Variants in ZNF730 observed in about 807,000 individuals in gnomAD.
ZNF730 encodes the protein zinc finger protein 730, also known as putative zinc finger protein 730.
Under a neutral mutation model 12.6 loss-of-function variants are expected in ZNF730, and 12 were observed. That is an observed-to-expected ratio of 0.95 (90% confidence interval 0.61 to 1.54). The LOEUF is 1.54. Ranked by LOEUF, ZNF730 falls within the 40% of genes most tolerant of loss-of-function variation. The probability of loss-of-function intolerance (pLI) is 0.00; values close to 1 mark genes in which losing one functional copy is unlikely to be tolerated. For synonymous variants in ZNF730, 194 were observed against 195.8 expected, an observed-to-expected ratio of 0.99 and a Z score of 0.08; for missense variants, 643 against 583.5, an observed-to-expected ratio of 1.10 and a Z score of -1.05.
chr19:23,139,901 C>T (rs1439358255), intron 3 of ZNF730, among the ~76,000 whole-genome samples: 4 of 151,974 alleles, frequency 2.6e-5, no homozygotes, highest in Admixed American at 6.6e-5. Flanking sequence ...TATTGTTTTG[C>T]AGTTCCATAT....
Position 23,096,216 on chromosome 19 carries a change from C to G in ZNF730, c.-94+20829C>G, listed in dbSNP as rs563346499. On this transcript the variant is annotated intron_variant, in intron 1 of 2. Transcript: ENST00000593635. ...CTCAAGGTACCGTGACATTGCTGGGCCCAGCATCTAGGTGATGTAACTCTA... is the reference window on the plus strand; with the variant it reads ...CTCAAGGTACCGTGACATTGCTGGGGCCAGCATCTAGGTGATGTAACTCTA... 2.0e-5 allele frequency among the ~76,000 whole-genome samples: 3 copies of G among 152,198 alleles called. No homozygotes were observed. In the East Asian group the frequency reaches 5.8e-4, roughly 29 times the overall value.
At chr19:23,100,899 C>T (rs1160920200) in intron 1 of ZNF730, among the ~76,000 whole-genome samples, 3 of 151,998 alleles carry the variant, frequency 2.0e-5, no homozygotes, top group Non-Finnish European at 4.4e-5. Flanking sequence ...CGTGATCTGC[C>T]CACCTCAGCC....
In ZNF730 at chr19:23,108,745, T is replaced by G. The variant is rs376501865; in HGVS notation, c.-93-25335T>G. Among the ~76,000 whole-genome samples, 413 of 152,170 alleles carry G rather than the reference T, an allele frequency of 2.7e-3. 2 individuals carry two copies. The highest frequency in any genetic ancestry group is 9.4e-3 in the African/African-American group (392 of 41,488). ...TTTAGCTTACAAATTGTCTTTTTTT[T>G]TTGTTTGTTTGTTTTTGTTTTTGAG... On this transcript the variant is annotated intron_variant, in intron 1 of 2. Transcript: ENST00000593635.
intron 2 of ZNF730, 82 bp downstream of exon 2, chr19:23,134,288 C>G (rs947756981): frequency 2.6e-5 from 32 of 1,252,816 alleles, no homozygotes; most frequent in Non-Finnish European, 3.1e-5. Flanking sequence ...CTTTCAGATC[C>G]CGGGTTTTTT....
intron 1 of ZNF730, 53 bp downstream of exon 1, chr19:23,117,229 G>T (rs1970541064): frequency 3.1e-6 from 5 of 1,613,020 alleles, no homozygotes; most frequent in Non-Finnish European, 4.2e-6. Context: ...GGTTGGAACC[G>T]GTGGGAAGCG....
intron 1 of ZNF730, among the ~76,000 whole-genome samples, chr19:23,103,196 T>C (rs1330158359): frequency 6.6e-6 from 1 of 152,208 alleles, no homozygotes; most frequent in African/African-American, 2.4e-5. Flanking sequence ...TTTTTCTATC[T>C]GAACCTGAGA....
intron 1 of ZNF730, among the ~76,000 whole-genome samples, chr19:23,098,732 C>T (rs1379066725): frequency 6.6e-6 from 1 of 152,070 alleles, no homozygotes; most frequent in Non-Finnish European, 1.5e-5. Context: ...TGATCAGTGC[C>T]GTCAGGGAAA....
chr19:23,129,284 C>T (rs888215011), intron 1 of ZNF730, among the ~76,000 whole-genome samples: 1 of 152,186 alleles, frequency 6.6e-6, no homozygotes, highest in African/African-American at 2.4e-5. Context: ...CCACTGACAG[C>T]TTGCACCATG....
intron 1 of ZNF730, among the ~76,000 whole-genome samples, chr19:23,079,799 A>C (rs1164128637): frequency 6.6e-6 from 1 of 152,030 alleles, no homozygotes; most frequent in African/African-American, 2.4e-5. Flanking sequence ...GAAGAACCCC[A>C]TTTTACTTTC....
At chr19:23,083,807 T>C (rs1017480405) in intron 1 of ZNF730, among the ~76,000 whole-genome samples, 13 of 152,184 alleles carry the variant, frequency 8.5e-5, no homozygotes, top group Non-Finnish European at 1.9e-4. Context: ...TAAAATAATT[T>C]TGAATATTAA....
intron 1 of ZNF730, among the ~76,000 whole-genome samples, chr19:23,109,690 G>A (rs1047658221): frequency 1.3e-5 from 2 of 152,136 alleles, no homozygotes; most frequent in African/African-American, 2.4e-5. Context: ...TGGGATTACA[G>A]GTGTGAGCCA....
chr19:23,102,552 G>A (rs920931725), intron 1 of ZNF730, among the ~76,000 whole-genome samples: 1 of 151,416 alleles, frequency 6.6e-6, no homozygotes, highest in African/African-American at 2.4e-5. Context: ...CTGGAGTGCA[G>A]TGGTGTGATC....
intron 1 of ZNF730, 127 bp downstream of exon 1, chr19:23,117,303 A>G: frequency 2.6e-6 from 4 of 1,558,982 alleles, no homozygotes; most frequent in Non-Finnish European, 3.5e-6. Context: ...GTTCTTGCCC[A>G]GCTCGGCCTC....
chr19:23,130,551 T>A (rs1970733251), intron 1 of ZNF730, among the ~76,000 whole-genome samples: 1 of 152,242 alleles, frequency 6.6e-6, no homozygotes, highest in African/African-American at 2.4e-5. Flanking sequence ...TTGTGACTTT[T>A]GGTGTTTTCA....
intron 1 of ZNF730, among the ~76,000 whole-genome samples, chr19:23,133,369 T>G (rs893695041): frequency 6.6e-6 from 1 of 152,222 alleles, no homozygotes; most frequent in African/African-American, 2.4e-5. Flanking sequence ...TTGAGACAGT[T>G]TCACTCTTAT....
At chr19:23,120,558 C>CT (rs1225225059) in intron 1 of ZNF730, among the ~76,000 whole-genome samples, 1 of 151,100 alleles carries the variant, frequency 6.6e-6, no homozygotes, top group Non-Finnish European at 1.5e-5. Context: ...TTTGGTTCTT[C>CT]TTTTTTCACT....
At chr19:23,085,854 T>C (rs1970054684) in intron 1 of ZNF730, among the ~76,000 whole-genome samples, 1 of 114,352 alleles carries the variant, frequency 8.7e-6, no homozygotes, top group Non-Finnish European at 1.8e-5. Flanking sequence ...TTTTTTTTTT[T>C]TTTTTTTTTG....
chr19:23,083,595 G>GTTT (rs541018274), intron 1 of ZNF730, among the ~76,000 whole-genome samples: 4 of 139,628 alleles, frequency 2.9e-5, no homozygotes, highest in Non-Finnish European at 4.7e-5. Context: ...ATTAGTGCTT[G>GTTT]TTTTTTTTTT....
chr19:23,146,117 A>G lies in ZNF730; in HGVS notation c.1073A>G (p.His358Arg), dbSNP rs1431894909. Reference sequence around the variant, plus strand: ...AACCGATCCTCAACCCTTAATAGACATAAGATAACTCATACTGGAGGGAAA... The same window carrying G: ...AACCGATCCTCAACCCTTAATAGACGTAAGATAACTCATACTGGAGGGAAA... ...AFNRSSTLNR[H>R]KITHTGGKPY... Residue 358 changes from histidine (H) to arginine (R), a missense_variant, in exon 4 of 4, where the codon CAT (histidine) becomes CGT (arginine). His to Arg is a conservative substitution (Grantham distance 29). Transcript: ENST00000597761. The G allele has an allele frequency of 2.3e-5, 37 of 1,610,050 alleles. No individual in the cohort carries two copies. The highest frequency in any genetic ancestry group is 3.1e-5 in the Non-Finnish European group (36 of 1,177,866).
Sources: gnomAD v4.1 joint callset for allele counts (sites outside exome capture counted in the v4.1 genomes callset) on GRCh38, gnomAD v4.1.1 for gene constraint, MANE v1.5 for transcripts, NCBI Gene and HGNC (gene_info 2026-07-23, HGNC 2026-07-21) for gene names.